SLC35D4: variants seen among roughly 807,000 people sequenced by gnomAD.
SLC35D4 encodes solute carrier family 35 member D4.
chr18:23,266,894 C>T, the SLC35D4 span, among the ~76,000 whole-genome samples: 1 of 152,250 alleles, frequency 6.6e-6, no homozygotes, highest in Admixed American at 6.5e-5. Context: ...GCTCCCTCGC[C>T]GAAGCTCAGG....
chr18:23,273,732 C>T, the SLC35D4 span, among the ~76,000 whole-genome samples: 2 of 152,260 alleles, frequency 1.3e-5, no homozygotes, highest in Non-Finnish European at 2.9e-5. Context: ...TCCATTTACT[C>T]AGTCACCGCA....
chr18:23,283,578 G>C, the SLC35D4 span, among the ~76,000 whole-genome samples: 1 of 152,016 alleles, frequency 6.6e-6, no homozygotes, highest in Admixed American at 6.5e-5. Flanking sequence ...GGGAGGCTGA[G>C]GTGGGCGGAT....
At chr18:23,251,860 C>T in the SLC35D4 span, among the ~76,000 whole-genome samples, 1 of 152,086 alleles carries the variant, frequency 6.6e-6, no homozygotes, top group Non-Finnish European at 1.5e-5. Context: ...CCGAGGCAGG[C>T]AGATCACCTG....
chr18:23,432,979 CAAA>C, the SLC35D4 span, among the ~76,000 whole-genome samples: 1 of 98,364 alleles, frequency 1.0e-5, no homozygotes. Context: ...GACTCTGTCT[CAAA>C]AAAAAAAAAA....
At chr18:23,277,797 C>T in the SLC35D4 span, among the ~76,000 whole-genome samples, 1 of 152,174 alleles carries the variant, frequency 6.6e-6, no homozygotes, top group Non-Finnish European at 1.5e-5. Context: ...TTTTGCTAAA[C>T]TGGCCTGGCA....
chr18:23,293,052 C>A, the SLC35D4 span, among the ~76,000 whole-genome samples: 1 of 152,124 alleles, frequency 6.6e-6, no homozygotes, highest in South Asian at 2.1e-4. Flanking sequence ...CCAGCCTGAC[C>A]AATGTTGTGA....
At chr18:23,397,984 C>A in the SLC35D4 span, among the ~76,000 whole-genome samples, 3 of 152,132 alleles carry the variant, frequency 2.0e-5, no homozygotes, top group Non-Finnish European at 4.4e-5. Flanking sequence ...GCCTATTGAG[C>A]CCAGAAGGTC....
the SLC35D4 span, among the ~76,000 whole-genome samples, chr18:23,293,377 T>C: frequency 1.3e-5 from 2 of 152,248 alleles, no homozygotes; most frequent in Non-Finnish European, 2.9e-5. Flanking sequence ...GAAAGTAATG[T>C]TGATAGTACA....
chr18:23,381,951 G>C, the SLC35D4 span, among the ~76,000 whole-genome samples: 2 of 152,124 alleles, frequency 1.3e-5, no homozygotes. Context: ...TCATAAGAAA[G>C]TATCCCAGCC....
At chr18:23,264,321 C>T in the SLC35D4 span, among the ~76,000 whole-genome samples, 1 of 147,450 alleles carries the variant, frequency 6.8e-6, no homozygotes, top group Non-Finnish European at 1.5e-5. Flanking sequence ...AAAACAGGAG[C>T]AAGAGGGGTG....
At chr18:23,376,307 A>G in the SLC35D4 span, among the ~76,000 whole-genome samples, 2 of 152,230 alleles carry the variant, frequency 1.3e-5, no homozygotes, top group Admixed American at 6.5e-5. Flanking sequence ...CACTGCTGTA[A>G]CCATGTGTAG....
the SLC35D4 span, among the ~76,000 whole-genome samples, chr18:23,328,653 C>T: frequency 2.6e-5 from 4 of 152,218 alleles, no homozygotes; most frequent in African/African-American, 9.6e-5. Flanking sequence ...AGATTCAATG[C>T]CATCCCCATC....
the SLC35D4 span, among the ~76,000 whole-genome samples, chr18:23,418,265 C>A: frequency 6.6e-6 from 1 of 151,648 alleles, no homozygotes. Context: ...TTAATGTACA[C>A]CTATGTTCCC....
chr18:23,263,043 C>CT, the SLC35D4 span, among the ~76,000 whole-genome samples: 1 of 152,228 alleles, frequency 6.6e-6, no homozygotes, highest in South Asian at 2.1e-4. Flanking sequence ...GTGCTGGGCA[C>CT]TTAATGCACC....
chr18:23,337,803 TG>T, the SLC35D4 span, among the ~76,000 whole-genome samples: 2 of 152,212 alleles, frequency 1.3e-5, no homozygotes, highest in African/African-American at 4.8e-5. Context: ...CATTAGGCCT[TG>T]CTATTACTTT....
chr18:23,280,305 C>T, the SLC35D4 span, among the ~76,000 whole-genome samples: 9 of 152,194 alleles, frequency 5.9e-5, no homozygotes, highest in Admixed American at 4.6e-4. Context: ...TGCCCTGGGG[C>T]GAGGTTATTA....
chr18:23,255,564 T>A, the SLC35D4 span, among the ~76,000 whole-genome samples: 1 of 150,708 alleles, frequency 6.6e-6, no homozygotes, highest in East Asian at 1.9e-4. Context: ...ATGATTTTTT[T>A]TTTTTTTTTT....
chr18:23,362,119 A>G, the SLC35D4 span, among the ~76,000 whole-genome samples: 2 of 152,226 alleles, frequency 1.3e-5, no homozygotes, highest in Non-Finnish European at 2.9e-5. Flanking sequence ...TTTTGTATTG[A>G]CCTAAAAGTT....
the SLC35D4 span, among the ~76,000 whole-genome samples, chr18:23,252,328 C>T: frequency 6.6e-6 from 1 of 152,090 alleles, no homozygotes; most frequent in Non-Finnish European, 1.5e-5. Flanking sequence ...TTCTTAATGC[C>T]ACTGAATGGT....
Sources: allele counts gnomAD v4.1 joint callset (sites outside exome capture counted in the v4.1 genomes callset), GRCh38; gene constraint gnomAD v4.1.1; transcripts MANE v1.5; gene names NCBI Gene and HGNC (gene_info 2026-07-23, HGNC 2026-07-21).